Variants in ETS2 observed in about 807,000 individuals in gnomAD.
The protein encoded by ETS2 is protein C-ets-2.
In ETS2, 19 loss-of-function variants were observed where a neutral mutation model predicts 54.9. That is an observed-to-expected ratio of 0.35 (90% CI 0.24 to 0.51). The LOEUF is 0.51. Among genes scored for constraint, ETS2 ranks in the 20% least tolerant of loss-of-function variants. ETS2 has a pLI of 0.97. For synonymous variants in ETS2, 219 were observed against 229.3 expected (o/e 0.95, Z 0.41); for missense variants, 417 against 593.0 (o/e 0.70, Z 3.08).
chr21:38,810,223 G>T, intron 2 of ETS2, 117 bp downstream of exon 2: 1 of 607,910 alleles, frequency 1.6e-6, no homozygotes, highest in Non-Finnish European at 2.8e-6. Flanking sequence ...TTAATTTATT[G>T]GCCATGTGAC....
At chr21:38,815,894 C>T (rs1380303689) in intron 5 of ETS2, among the ~76,000 whole-genome samples, 1 of 143,756 alleles carries the variant, frequency 7.0e-6, no homozygotes, top group Non-Finnish European at 1.5e-5. Flanking sequence ...GAGTCGAGAT[C>T]ACACCACTGC....
At chr21:38,815,838 C>T (rs923317004) in intron 5 of ETS2, among the ~76,000 whole-genome samples, 1 of 149,318 alleles carries the variant, frequency 6.7e-6, no homozygotes, top group Non-Finnish European at 1.5e-5. Context: ...TACTCGGAAG[C>T]CTGAGGCAGG....
chr21:38,809,823 C>G, intron 1 of ETS2: 1 of 445,102 alleles, frequency 2.2e-6, no homozygotes, highest in Non-Finnish European at 4.0e-6. Context: ...ATTATTCAAT[C>G]ACTGAAACAG....
chr21:38,820,799 ATTT>A (rs1239065443), intron 8 of ETS2, among the ~76,000 whole-genome samples: 4 of 152,200 alleles, frequency 2.6e-5, no homozygotes, highest in Non-Finnish European at 5.9e-5. Context: ...AGGAAGAGCT[ATTT>A]GGTAGAAAGA....
rs138078742 is a variant in ETS2 at position 38,815,621 on chromosome 21, A to C, written c.505+640A>C. Among the ~76,000 whole-genome samples, 620 of 152,050 alleles carry C rather than the reference A, an allele frequency of 4.1e-3. 8 individuals carry two copies. Among genetic ancestry groups the C allele is most frequent in the African/African-American group, 0.014 (584 of 41,444 alleles). On this transcript the variant is annotated intron_variant, in intron 5 of 9. Coordinates refer to ENST00000360938, the MANE Select transcript of ETS2 (RefSeq NM_005239.6). ...AAAATAGCAGGGAGACCAATGTTTAAAACATGTTGAGTTAAAAAAGAAAAG... is the reference window on the plus strand; with the variant it reads ...AAAATAGCAGGGAGACCAATGTTTACAACATGTTGAGTTAAAAAAGAAAAG...
At chr21:38,811,331 C>CACTT (rs1220722340) in intron 2 of ETS2, among the ~76,000 whole-genome samples, 1 of 152,170 alleles carries the variant, frequency 6.6e-6, no homozygotes, top group African/African-American at 2.4e-5. Context: ...GAGTAATTTG[C>CACTT]ACTTGCCTGA....
In ETS2 at chr21:38,806,695, C is replaced by G. The variant is rs1400021704; in HGVS notation, c.-1+575C>G. ...TCACCTGCTCGCCGCGTCCAGGGCC[C>G]GGGCTGGGGACCCCTCGGTCGTGCG... On this transcript the variant is annotated intron_variant, in intron 1 of 9. Transcript: ENST00000360938. The surrounding 1 kb of genome is among the most constrained non-coding windows in gnomAD (Gnocchi z 4.3). 2 of 985,306 alleles carry G rather than the reference C, an allele frequency of 2.0e-6. No homozygotes were observed. Among genetic ancestry groups the G allele is most frequent in the Non-Finnish European group, 2.4e-6 (2 of 829,960 alleles). 61.0% of individuals were successfully genotyped at this position (985,306 alleles called of 1,614,324 possible).
In ETS2 at chr21:38,822,848, C is replaced by A; in HGVS notation, c.1369C>A (p.Leu457Met). 1.2e-6 allele frequency: 2 copies of A among 1,605,046 alleles called. No individual in the cohort carries two copies. Among genetic ancestry groups the A allele is most frequent in the Non-Finnish European group, 8.5e-7 (1 of 1,173,550 alleles). ...CTTGCTGGGGTTCACGCCCGAGGAA[C>A]TGCACGCCATCCTGGGCGTCCAGCC... ...QNLLGFTPEE[L>M]HAILGVQPDT... The change falls in exon 10 of 10, where the codon CTG (leucine) becomes ATG (methionine). Residue 457 changes from leucine (L) to methionine (M), a missense_variant. This residue lies in a region of ETS2 where 31 missense variants were observed against 32.8 expected (regional missense o/e 0.95). Transcript: ENST00000360938.
At chr21:38,820,517 A>G (rs2060953768) in intron 8 of ETS2, among the ~76,000 whole-genome samples, 1 of 151,552 alleles carries the variant, frequency 6.6e-6, no homozygotes, top group Non-Finnish European at 1.5e-5. Flanking sequence ...CATTATTGGG[A>G]GTTTAGGGCC....
chr21:38,816,363 C>A (rs2060935624), intron 5 of ETS2, among the ~76,000 whole-genome samples: 1 of 152,058 alleles, frequency 6.6e-6, no homozygotes, highest in Admixed American at 6.5e-5. Context: ...GGCTTTTCTA[C>A]CAAGTTTCTG....
intron 1 of ETS2, among the ~76,000 whole-genome samples, chr21:38,808,590 A>ATGTGTGTGTGTGTGTGTGTGTG (rs56269044): frequency 4.7e-5 from 7 of 148,340 alleles, no homozygotes; most frequent in African/African-American, 1.7e-4. Flanking sequence ...GTGTGTGTGT[A>ATGTGTGTGTGTGTGTGTGTGTG]TGTGTGTGTG....
chr21:38,810,849 A>G (rs1208429897), intron 2 of ETS2, among the ~76,000 whole-genome samples: 2 of 152,198 alleles, frequency 1.3e-5, no homozygotes, highest in African/African-American at 2.4e-5. Context: ...TCTCTGGCAT[A>G]TTACATTTTC....
chr21:38,807,525 T>C (rs557436613), intron 1 of ETS2, among the ~76,000 whole-genome samples: 1 of 152,140 alleles, frequency 6.6e-6, no homozygotes, highest in African/African-American at 2.4e-5. Context: ...ACAAGCCCTG[T>C]TGAGTAAAAT....
rs140874343 is a variant in ETS2 at position 38,823,602 on chromosome 21, A to C, written c.*713A>C. 427 of 142,320 alleles carry C rather than the reference A, an allele frequency of 3.0e-3. No individual in the cohort carries two copies. Among genetic ancestry groups the C allele is most frequent in the Admixed American group, 4.5e-3 (63 of 13,898 alleles). The allele number at this position is 142,320 out of a possible 1,614,324, so 8.8% of individuals were successfully genotyped here. On this transcript the variant is annotated 3_prime_UTR_variant, in exon 10 of 10. Transcript: ENST00000360938. Reference sequence around the variant, plus strand: ...ACAGGGATAAGGCCTGTGGGGGGTAATCCCTGCTTTTTGTGTTTTTTTGTT... The same window carrying C: ...ACAGGGATAAGGCCTGTGGGGGGTACTCCCTGCTTTTTGTGTTTTTTTGTT...
Position 38,806,423 on chromosome 21 carries a change from T to G in ETS2, c.-1+303T>G. On this transcript the variant is annotated intron_variant, in intron 1 of 9. Coordinates refer to ENST00000360938, the MANE Select transcript of ETS2 (RefSeq NM_005239.6). The surrounding 1 kb of genome is among the most constrained non-coding windows in gnomAD (Gnocchi z 4.3). ...GCGGGCGCGGCCAGGGCGCGCTGGC[T>G]TGTTTCGCTCGCTTTTGTTTTTAAA... is the stretch of plus-strand genomic sequence containing the variant. 1 of 985,548 alleles carries G rather than the reference T, an allele frequency of 1.0e-6. No individual in the cohort carries two copies. Among genetic ancestry groups the G allele is most frequent in the African/African-American group, 1.7e-5 (1 of 57,302 alleles). The allele number at this position is 985,548 out of a possible 1,614,324, so 61.1% of individuals were successfully genotyped here. A position where few individuals can be genotyped will look rare whatever the true frequency, so the allele number is the denominator to read the frequency against.
chr21:38,816,501 A>C (rs182469652), intron 5 of ETS2, among the ~76,000 whole-genome samples: 2 of 152,140 alleles, frequency 1.3e-5, no homozygotes, highest in Admixed American at 1.3e-4. Context: ...TACACAGTGC[A>C]CAAACCTTTT....
chr21:38,812,178 A>G (rs752740173), intron 2 of ETS2, among the ~76,000 whole-genome samples: 1 of 152,200 alleles, frequency 6.6e-6, no homozygotes, highest in East Asian at 1.9e-4. Context: ...TTCAAAATAA[A>G]TGCTTCCAAA....
Position 38,814,923 on chromosome 21 carries a change from G to A in ETS2, c.447G>A (p.Glu149=), listed in dbSNP as rs373699281. Residue 149 remains glutamate (E), a synonymous_variant, in exon 5 of 10, where the codon GAG becomes GAA. Transcript: ENST00000360938. The surrounding 1 kb of genome is among the most constrained non-coding windows in gnomAD (Gnocchi z 4.2). ...ACCTTGGCAAGGAACGCTTTCTGGA[G>A]CTGGCACCTGACTTTGTGGGTGACA... ...LCNLGKERFL[E]LAPDFVGDIL... 4 of 1,614,094 alleles carry A rather than the reference G, an allele frequency of 2.5e-6. No individual in the cohort carries two copies. In the African/African-American group the frequency reaches 4.0e-5, roughly 16 times the overall value.
At chr21:38,810,320 G>C (rs989679098) in intron 2 of ETS2, among the ~76,000 whole-genome samples, 1 of 152,116 alleles carries the variant, frequency 6.6e-6, no homozygotes. Context: ...TCTCCTCCAC[G>C]ATATGAAACC....
Sources: allele counts gnomAD v4.1 joint callset (sites outside exome capture counted in the v4.1 genomes callset), GRCh38; gene constraint gnomAD v4.1.1; regional missense constraint gnomAD v4.1.1; non-coding constraint Gnocchi (gnomAD v3.1); transcripts MANE v1.5; gene names NCBI Gene and HGNC (gene_info 2026-07-23, HGNC 2026-07-21).